SUN2: variants seen among roughly 807,000 people sequenced by gnomAD.
The protein encoded by SUN2 is SUN domain-containing protein 2.
In SUN2, 60 loss-of-function variants were observed where a neutral mutation model predicts 100.0. That is an observed-to-expected ratio of 0.60 (90% CI 0.49 to 0.74). The LOEUF is 0.74. SUN2 is among the 30% of genes least tolerant of loss of function. The pLI, the probability that SUN2 is intolerant of heterozygous loss-of-function variation, is 0.00. For synonymous variants in SUN2, 367 were observed against 403.3 expected, an observed-to-expected ratio of 0.91 and a Z score of 1.08; for missense variants, 834 against 954.6, an observed-to-expected ratio of 0.87 and a Z score of 1.66.
In SUN2 at chr22:38,755,791, C is replaced by T. The variant is rs1323707477; in HGVS notation, c.-66G>A. ...CTGCCGCGGCGGCTTCTAGCCCGGC[C>T]GGGGGCGTCCGAGGCCAGGCCGCCG... On this transcript the variant is annotated 5_prime_UTR_variant, in exon 1 of 18. Transcript: ENST00000689035. The surrounding 1 kb of genome is among the most constrained non-coding windows in gnomAD (Gnocchi z 5.7). 4.1e-6 allele frequency: 4 copies of T among 984,228 alleles called. No homozygotes were observed. The highest frequency in any genetic ancestry group is 4.8e-6 in the Non-Finnish European group (4 of 829,582). 61.0% of individuals were successfully genotyped at this position (984,228 alleles called of 1,614,324 possible).
intron 8 of SUN2, chr22:38,745,181 C>T (rs767903776): frequency 5.5e-5 from 26 of 471,002 alleles, no homozygotes; most frequent in African/African-American, 1.0e-4. Flanking sequence ...GCTAGCCTGC[C>T]GGGTGAGCAA....
chr22:38,754,603 T>TGGGGGGCGG, intron 1 of SUN2: 1 of 889,150 alleles, frequency 1.1e-6, no homozygotes, highest in Non-Finnish European at 1.6e-6. Flanking sequence ...TAAGGTAATC[T>TGGGGGGCGG]CCCCTCCCCC....
chr22:38,742,926 T>C, intron 8 of SUN2: 1 of 185,452 alleles, frequency 5.4e-6, no homozygotes, highest in East Asian at 1.4e-4. Context: ...GGCCTGAAGC[T>C]CACTCCTTCC....
chr22:38,738,023 C>T lies in SUN2; in HGVS notation c.2040+150G>A. 1 of 763,372 alleles carries T rather than the reference C, an allele frequency of 1.3e-6. No homozygotes were observed. The highest frequency in any genetic ancestry group is 1.4e-5 in the South Asian group (1 of 69,066). The allele number at this position is 763,372 out of a possible 1,614,324, so 47.3% of individuals were successfully genotyped here. Reference sequence around the variant, plus strand: ...GACGTCTGCAGGATGCGTGTTACACCCCATTTGGATATCACATCTTGAGCT... The same window carrying T: ...GACGTCTGCAGGATGCGTGTTACACTCCATTTGGATATCACATCTTGAGCT... On this transcript the variant is annotated intron_variant, in intron 17 of 17. Coordinates refer to ENST00000689035, the MANE Select transcript of SUN2 (RefSeq NM_015374.3). The surrounding 1 kb of genome is among the most constrained non-coding windows in gnomAD (Gnocchi z 6.6).
Position 38,737,987 on chromosome 22 carries a change from T to G in SUN2, c.2040+186A>C. The G allele has an allele frequency of 1.4e-6, 1 of 714,392 alleles. No homozygotes were observed. Among genetic ancestry groups the G allele is most frequent in the Non-Finnish European group, 2.6e-6 (1 of 384,616 alleles). The allele number at this position is 714,392 out of a possible 1,614,324, so 44.3% of individuals were successfully genotyped here. On this transcript the variant is annotated intron_variant, in intron 17 of 17. Transcript: ENST00000689035. This position sits in a 1 kb window ranked among gnomAD's most constrained non-coding sequence, Gnocchi z 4.1. Reference sequence around the variant, plus strand: ...CATGCTGCCCTTCTGGAAGGTGCCTTCCCCTGTGCTGACGTCTGCAGGATG... The same window carrying G: ...CATGCTGCCCTTCTGGAAGGTGCCTGCCCCTGTGCTGACGTCTGCAGGATG...
rs1275674242 is a variant in SUN2, at chr22:38,755,733, CA to C, written c.-38+29del. 5.1e-6 allele frequency: 5 copies of C among 985,044 alleles called. No individual in the cohort carries two copies. Among genetic ancestry groups the C allele is most frequent in the African/African-American group, 1.7e-5 (1 of 57,206 alleles). The allele number at this position is 985,044 out of a possible 1,614,324, so 61.0% of individuals were successfully genotyped here. A position where few individuals can be genotyped will look rare whatever the true frequency, so the allele number is the denominator to read the frequency against. ...GGGGTCAGGCCGGGCCGCGGCCCCCCAACCCTCTCCTGAGCTCGCCCGCACT... is the reference window on the plus strand; with the variant it reads ...GGGGTCAGGCCGGGCCGCGGCCCCCCACCCTCTCCTGAGCTCGCCCGCACT... On this transcript the variant is annotated intron_variant, in intron 1 of 17. Coordinates refer to ENST00000689035, the MANE Select transcript of SUN2 (RefSeq NM_015374.3). The surrounding 1 kb of genome is among the most constrained non-coding windows in gnomAD (Gnocchi z 5.7).
In SUN2 at chr22:38,749,781, A is replaced by G. The variant is rs2092930031; in HGVS notation, c.599T>C (p.Val200Ala). 5 of 1,614,022 alleles carry G rather than the reference A, an allele frequency of 3.1e-6. No homozygotes were observed. The highest frequency in any genetic ancestry group is 1.7e-6 in the Non-Finnish European group (2 of 1,180,028). Residue 200 changes from valine (V) to alanine (A), a missense_variant, in exon 6 of 18, where the codon GTC (valine) becomes GCC (alanine). By Grantham distance (64) the Val-to-Ala change is moderately conservative. Around this residue, in one of 3 missense-constraint regions of SUN2, gnomAD observed 559 missense variants for 597.7 expected, o/e 0.94. Transcript: ENST00000689035. ...RLTTAASLLD[V>A]FVLTRRFSSL... ...TCTCGCTCACCTGGTTAAAACGAAG[A>G]CGTCAAGGAGGGAGGCAGCTGTGGT...
At position 38,740,063 on chromosome 22, in the gene SUN2, AAG is replaced by A; in HGVS notation, c.1357-122_1357-121del. The A allele has an allele frequency of 7.8e-7, 1 of 1,280,314 alleles. No homozygotes were observed. The highest frequency in any genetic ancestry group is 1.1e-6 in the Non-Finnish European group (1 of 933,190). 79.3% of individuals were successfully genotyped at this position (1,280,314 alleles called of 1,614,324 possible). ...GGGTAGGAGGGAGGCCACTGGAGGAAAGAGTTATGAACACTCCATGGGCACTA... is the reference window on the plus strand; with the variant it reads ...GGGTAGGAGGGAGGCCACTGGAGGAAAGTTATGAACACTCCATGGGCACTA... On this transcript the variant is annotated intron_variant, in intron 12 of 17. Transcript: ENST00000689035. This position sits in a 1 kb window ranked among gnomAD's most constrained non-coding sequence, Gnocchi z 4.8.
chr22:38,754,752 A>G (rs1173956598), intron 1 of SUN2: 2 of 1,286,098 alleles, frequency 1.6e-6, no homozygotes, highest in Non-Finnish European at 2.0e-6. Flanking sequence ...ACCATACCCA[A>G]GCTGCCGCTG....
chr22:38,752,189 C>T (rs555086071), intron 2 of SUN2, among the ~76,000 whole-genome samples: 1 of 152,208 alleles, frequency 6.6e-6, no homozygotes, highest in Admixed American at 6.5e-5. Context: ...TGGTCAGGGT[C>T]AGGTGATCCA....
Position 38,745,724 on chromosome 22 carries a change from T to C in SUN2, c.773A>G (p.Asp258Gly), listed in dbSNP as rs201945306. 1.5e-4 allele frequency: 242 copies of C among 1,613,982 alleles called. No individual in the cohort carries two copies. In the East Asian group the frequency reaches 5.2e-3, roughly 34 times the overall value. The change falls in exon 8 of 18, where the codon GAT becomes GGT. Residue 258 changes from aspartate (D) to glycine (G), a missense_variant. By Grantham distance (94) the Asp-to-Gly change is moderately conservative. Around this residue, in one of 3 missense-constraint regions of SUN2, gnomAD observed 559 missense variants for 597.7 expected, o/e 0.94. Transcript: ENST00000689035. ...WWAAKDSRRPDEGWEARDSSP... is the reference protein window; with the variant it reads ...WWAAKDSRRPGEGWEARDSSP... The stretch of plus-strand genomic sequence containing the variant: ...TGAGTCTCTGGCTTCCCAGCCCTCA[T>C]CCGGCCTCCTGCTGTCCTTCGCTGC...
intron 8 of SUN2, among the ~76,000 whole-genome samples, chr22:38,744,468 C>G (rs1383321493): frequency 3.9e-5 from 6 of 152,058 alleles, no homozygotes; most frequent in Non-Finnish European, 8.8e-5. Flanking sequence ...GTAGTCCCAG[C>G]TACTTCACAG....
chr22:38,743,211 C>G (rs138709), intron 8 of SUN2: 55,062 of 152,016 alleles, frequency 0.36, 10,710 homozygotes, highest in African/African-American at 0.51. Context: ...CAAATAAAGG[C>G]CAGGGAGCTA....
At chr22:38,754,612 C>T (rs1231560892) in intron 1 of SUN2, 12 of 536,652 alleles carry the variant, frequency 2.2e-5, no homozygotes, top group Middle Eastern at 3.3e-4. Context: ...CTCCCCTCCC[C>T]CCTCCCTGCC....
At chr22:38,745,623 C>G (rs2092897898) in intron 8 of SUN2, 61 bp downstream of exon 8, 1 of 1,595,104 alleles carries the variant, frequency 6.3e-7, no homozygotes, top group African/African-American at 1.3e-5. Context: ...GCGCACCCAC[C>G]ACTTTCACCG....
At chr22:38,752,028 T>G (rs1215431576) in intron 2 of SUN2, among the ~76,000 whole-genome samples, 1 of 152,054 alleles carries the variant, frequency 6.6e-6, no homozygotes, top group Non-Finnish European at 1.5e-5. Context: ...CAGGCTGGAG[T>G]GCAATGCCAT....
At position 38,740,183 on chromosome 22, in the gene SUN2, G is replaced by C; in HGVS notation, c.1356+84C>G. 1 of 1,432,232 alleles carries C rather than the reference G, an allele frequency of 7.0e-7. No homozygotes were observed. The highest frequency in any genetic ancestry group is 9.2e-7 in the Non-Finnish European group (1 of 1,086,174). The allele number at this position is 1,432,232 out of a possible 1,614,324, so 88.7% of individuals were successfully genotyped here. A position where few individuals can be genotyped will look rare whatever the true frequency, so the allele number is the denominator to read the frequency against. ...GGCATAACAGAGGCTGCAGGGGCAA[G>C]GGGTGCTGCTTTGCAGGCCCCAGGA... On this transcript the variant is annotated intron_variant, in intron 12 of 17. Transcript: ENST00000689035. This position sits in a 1 kb window ranked among gnomAD's most constrained non-coding sequence, Gnocchi z 4.8.
chr22:38,742,449 C>T lies in SUN2; in HGVS notation c.920G>A (p.Arg307His), dbSNP rs756168243. ...AGGAGCCCCTTGCCGCAGCTCCAGA[C>T]GTTCCAGCCGCATGGCCTCCTTCTG... ...NWQKEAMRLERLELRQGAPGQ... is the reference protein window; with the variant it reads ...NWQKEAMRLEHLELRQGAPGQ... The change falls in exon 9 of 18, where the codon CGT becomes CAT. Residue 307 changes from arginine to histidine, a missense_variant. By Grantham distance (29) the Arg-to-His change is conservative. This residue lies in a region of SUN2 where 559 missense variants were observed against 597.7 expected (regional missense o/e 0.94). Coordinates refer to ENST00000689035, the MANE Select transcript of SUN2 (RefSeq NM_015374.3). The T allele has an allele frequency of 1.2e-5, 19 of 1,613,622 alleles. No individual in the cohort carries two copies. Among genetic ancestry groups the T allele is most frequent in the Admixed American group, 5.0e-5 (3 of 60,026 alleles).
Position 38,745,747 on chromosome 22 carries a change from T to C in SUN2, c.750A>G (p.Ala250=). The C allele has an allele frequency of 6.2e-7, 1 of 1,614,112 alleles. No homozygotes were observed. Among genetic ancestry groups the C allele is most frequent in the Middle Eastern group, 1.6e-4 (1 of 6,062 alleles). The change falls in exon 8 of 18, where the codon GCA becomes GCG. Residue 250 remains alanine (A), a synonymous_variant. Transcript: ENST00000689035. ...CATCCGGCCTCCTGCTGTCCTTCGC[T>C]GCCCACCAGGAAACCAAAGCAGGGT... ...TFHPALVSWW[A]AKDSRRPDEG...
Sources: gnomAD v4.1 joint callset for allele counts (sites outside exome capture counted in the v4.1 genomes callset) on GRCh38, gnomAD v4.1.1 for gene constraint, gnomAD v4.1.1 regional missense constraint, Gnocchi (gnomAD v3.1) non-coding constraint, MANE v1.5 for transcripts, NCBI Gene and HGNC (gene_info 2026-07-23, HGNC 2026-07-21) for gene names.